MILR1: variants seen among roughly 807,000 people sequenced by gnomAD.
MILR1 encodes allergin-1.
In MILR1, 31 loss-of-function variants were observed where a neutral mutation model predicts 18.5. The ratio of observed to expected loss-of-function variants is 1.68; its 90% CI spans 1.26 to 2.26. MILR1 has a LOEUF of 2.26. Among genes scored for constraint, MILR1 ranks in the 30% most tolerant of loss-of-function variants. The pLI, the probability that MILR1 is intolerant of heterozygous loss-of-function variation, is 0.00. For synonymous variants in MILR1, 85 were observed against 56.2 expected (o/e 1.51, Z -2.30); for missense variants, 257 against 157.4 (o/e 1.63, Z -3.38).
chr17:64,465,277 G>A (rs1172496037), intron 5 of MILR1, among the ~76,000 whole-genome samples, 175 bp from the exon 6 acceptor site: 51 of 152,284 alleles, frequency 3.3e-4, no homozygotes, highest in Non-Finnish European at 1.8e-4. Flanking sequence ...TTGGAGGAGC[G>A]GTGTCTAGAC....
At chr17:64,488,901 C>T in the MILR1 span, among the ~76,000 whole-genome samples, 7 of 151,800 alleles carry the variant, frequency 4.6e-5, no homozygotes, top group East Asian at 1.9e-4. Context: ...CTGGGAATCG[C>T]GACACTGCAC....
intron 2 of MILR1, among the ~76,000 whole-genome samples, chr17:64,451,538 C>A (rs1408823588): frequency 2.0e-5 from 3 of 151,976 alleles, no homozygotes; most frequent in Non-Finnish European, 4.4e-5. Flanking sequence ...AGTTGAGCAT[C>A]TTTTTCATGT....
At chr17:64,479,591 A>G in the MILR1 span, among the ~76,000 whole-genome samples, 1 of 152,246 alleles carries the variant, frequency 6.6e-6, no homozygotes, top group African/African-American at 2.4e-5. Flanking sequence ...CTTAAAAAAA[A>G]TAACAAGAAT....
intron 5 of MILR1, among the ~76,000 whole-genome samples, chr17:64,463,388 G>A (rs1213606626): frequency 6.6e-6 from 1 of 152,136 alleles, no homozygotes; most frequent in Non-Finnish European, 1.5e-5. Flanking sequence ...TGGTACACGA[G>A]TGCAGAAGGA....
In MILR1 at chr17:64,458,882, C is replaced by T. The variant is rs911489266; in HGVS notation, c.652+1198C>T. Among the ~76,000 whole-genome samples the T allele has an allele frequency of 3.4e-4, 52 of 152,260 alleles. 1 individual carries two copies. In the South Asian group the frequency reaches 7.1e-3, roughly 21 times the overall value. ...GCCCACAGTAAGGGTATGAGCATCC[C>T]TGAACCTGAGCCAAGGGAGCTGTTT... On this transcript the variant is annotated intron_variant, in intron 4 of 9. Coordinates refer to ENST00000619286, the MANE Select transcript of MILR1 (RefSeq NM_001085423.2).
chr17:64,466,965 C>G (rs1241635652), intron 8 of MILR1, among the ~76,000 whole-genome samples: 1 of 151,880 alleles, frequency 6.6e-6, no homozygotes, highest in South Asian at 2.1e-4. Flanking sequence ...CCCTCCCTCC[C>G]TCTCTCTCTT....
chr17:64,484,956 C>T, the MILR1 span, among the ~76,000 whole-genome samples: 1 of 152,114 alleles, frequency 6.6e-6, no homozygotes, highest in Non-Finnish European at 1.5e-5. Flanking sequence ...CCATTTAAAC[C>T]CCCACTCTTC....
At chr17:64,463,097 T>C (rs1394155233) in intron 5 of MILR1, among the ~76,000 whole-genome samples, 1 of 152,170 alleles carries the variant, frequency 6.6e-6, no homozygotes, top group Non-Finnish European at 1.5e-5. Context: ...AAAGCATCAT[T>C]TCTCTCTTCC....
chr17:64,481,910 G>A, the MILR1 span, among the ~76,000 whole-genome samples: 1 of 151,382 alleles, frequency 6.6e-6, no homozygotes, highest in Non-Finnish European at 1.5e-5. Context: ...AGTTCAAAGG[G>A]GAAAGAAATA....
the MILR1 span, among the ~76,000 whole-genome samples, chr17:64,488,067 C>CA: frequency 0.014 from 2,192 of 151,634 alleles, 35 homozygotes; most frequent in Non-Finnish European, 0.023. Flanking sequence ...AAAACAGATA[C>CA]AAAATGGCCT....
intron 2 of MILR1, among the ~76,000 whole-genome samples, chr17:64,450,657 G>GT (rs2037149835): frequency 6.6e-6 from 1 of 151,252 alleles, no homozygotes; most frequent in African/African-American, 2.4e-5. Context: ...TTTTTGTATT[G>GT]TTTTTTGGTA....
At chr17:64,493,492 C>CTT in the MILR1 span, among the ~76,000 whole-genome samples, 1 of 148,082 alleles carries the variant, frequency 6.8e-6, no homozygotes, top group African/African-American at 2.5e-5. Context: ...TGAAGATTTT[C>CTT]TTTTTTTTTT....
At position 64,453,654 on chromosome 17, in the gene MILR1, G is replaced by A. The variant is rs930754687; in HGVS notation, c.367+788G>A. Among the ~76,000 whole-genome samples the A allele has an allele frequency of 9.5e-4, 138 of 145,456 alleles. No individual in the cohort carries two copies. The East Asian group carries it at 0.013, about 13-fold the overall frequency. On this transcript the variant is annotated intron_variant, in intron 3 of 9. Transcript: ENST00000619286. The stretch of plus-strand genomic sequence containing the variant: ...GGCCCCATCCGCTAGCACTCTTCCT[G>A]CCTAGCCACATCTCACTACTTCTGT...
chr17:64,460,086 C>T (rs1011175925), intron 4 of MILR1, among the ~76,000 whole-genome samples: 16 of 150,802 alleles, frequency 1.1e-4, no homozygotes, highest in African/African-American at 3.9e-4. Flanking sequence ...AGTGCAATGG[C>T]ACGATCTCGG....
the MILR1 span, chr17:64,496,558 A>G: frequency 6.2e-7 from 1 of 1,613,722 alleles, no homozygotes; most frequent in Non-Finnish European, 8.5e-7. Flanking sequence ...CGGGTAGCAA[A>G]GGGCCTGGTT....
the MILR1 span, chr17:64,491,868 G>T: frequency 3.1e-5 from 8 of 259,048 alleles, no homozygotes; most frequent in East Asian, 1.2e-4. Flanking sequence ...GATTGTTGCT[G>T]AATCCTTTCA....
At chr17:64,468,914 G>A (rs1235434717), downstream of MILR1, among the ~76,000 whole-genome samples, 3 of 151,806 alleles carry the variant, frequency 2.0e-5, no homozygotes, top group South Asian at 2.1e-4. Flanking sequence ...GTGAAACCCC[G>A]TCTGTACTAA....
intron 6 of MILR1, among the ~76,000 whole-genome samples, chr17:64,466,167 G>A (rs1225230724): frequency 6.6e-6 from 1 of 152,156 alleles, no homozygotes; most frequent in Non-Finnish European, 1.5e-5. Context: ...ATCAGATCTT[G>A]TGAGAACTAA....
chr17:64,482,404 C>T, the MILR1 span, among the ~76,000 whole-genome samples: 1 of 151,868 alleles, frequency 6.6e-6, no homozygotes, highest in Non-Finnish European at 1.5e-5. Flanking sequence ...TCACTGCAAC[C>T]TCTGCCTCCT....
Sources: allele counts gnomAD v4.1 joint callset (sites outside exome capture counted in the v4.1 genomes callset), GRCh38; gene constraint gnomAD v4.1.1; transcripts MANE v1.5; gene names NCBI Gene and HGNC (gene_info 2026-07-23, HGNC 2026-07-21).